Variants in SPAG16 observed in about 807,000 individuals in gnomAD.
SPAG16 encodes sperm-associated antigen 16 protein.
In SPAG16, 86 loss-of-function variants were observed where a neutral mutation model predicts 80.4. The observed-to-expected ratio is 1.07, with a 90% CI of 0.90 to 1.28. The LOEUF (loss-of-function observed/expected upper bound fraction) is 1.28, where lower values mean the gene tolerates loss of function less well. Ranked by LOEUF, SPAG16 falls within the 50% of genes most tolerant of loss-of-function variation. The probability of loss-of-function intolerance (pLI) is 0.00; values close to 1 mark genes in which losing one functional copy is unlikely to be tolerated. For missense variants in SPAG16, 870 were observed against 765.3 expected, an observed-to-expected ratio of 1.14 and a Z score of -1.61; for synonymous variants, 294 against 265.9, an observed-to-expected ratio of 1.11 and a Z score of -1.03.
chr2:213,876,409 G>A (rs896252514), intron 11 of SPAG16, among the ~76,000 whole-genome samples: 1 of 151,696 alleles, frequency 6.6e-6, no homozygotes, highest in Admixed American at 6.6e-5. Flanking sequence ...TTTTGTATGA[G>A]TGCACATCAA....
intron 2 of SPAG16, 113 bp downstream of exon 2, chr2:213,296,223 C>T: frequency 4.1e-6 from 3 of 731,830 alleles, no homozygotes. Context: ...TTAAGAGATA[C>T]CAGTTTTTCA....
intron 12 of SPAG16, among the ~76,000 whole-genome samples, chr2:213,942,437 G>A (rs1360553312): frequency 1.3e-5 from 2 of 152,118 alleles, no homozygotes; most frequent in Non-Finnish European, 2.9e-5. Flanking sequence ...ATTTCACTGA[G>A]CAAATAGAAG....
At chr2:213,852,323 G>A (rs539427963) in intron 10 of SPAG16, among the ~76,000 whole-genome samples, 1 of 152,266 alleles carries the variant, frequency 6.6e-6, no homozygotes, top group East Asian at 1.9e-4. Context: ...TTTCCACAGA[G>A]CAGCTACAGA....
chr2:213,684,943 C>G (rs1368628547), intron 10 of SPAG16, among the ~76,000 whole-genome samples: 3 of 152,130 alleles, frequency 2.0e-5, no homozygotes, highest in Non-Finnish European at 2.9e-5. Flanking sequence ...GGAGTGGTTT[C>G]CAGGACCATA....
chr2:213,407,768 GGCA>G (rs2068718919), intron 9 of SPAG16, among the ~76,000 whole-genome samples: 1 of 145,002 alleles, frequency 6.9e-6, no homozygotes, highest in Admixed American at 6.9e-5. Context: ...ACAGGAGAGA[GGCA>G]GAGAGAGACA....
chr2:213,371,346 C>G (rs1408093926), intron 8 of SPAG16, among the ~76,000 whole-genome samples: 1 of 134,916 alleles, frequency 7.4e-6, no homozygotes, highest in Non-Finnish European at 1.5e-5. Flanking sequence ...TGCAGTGAGC[C>G]GAGATCGCAC....
At chr2:213,794,495 G>T (rs2070900497) in intron 10 of SPAG16, among the ~76,000 whole-genome samples, 2 of 151,930 alleles carry the variant, frequency 1.3e-5, no homozygotes, top group Admixed American at 1.3e-4. Context: ...TGGGTACTTT[G>T]CTTTGACTTT....
chr2:213,884,729 GA>G (rs1369787330), intron 11 of SPAG16, among the ~76,000 whole-genome samples: 1 of 152,086 alleles, frequency 6.6e-6, no homozygotes, highest in Non-Finnish European at 1.5e-5. Context: ...GTGTTGATTT[GA>G]AAAACTGATC....
In SPAG16 at chr2:213,596,811, A is replaced by G. The variant is rs114053932; in HGVS notation, c.1070+106721A>G. ...AATGGCATTAGACCTCTGAAATTAA[A>G]CACGTTGCCTTCAGTATGAATCTGT... On this transcript the variant is annotated intron_variant, in intron 10 of 15. Coordinates refer to ENST00000331683, the MANE Select transcript of SPAG16 (RefSeq NM_024532.5). 6.5e-3 allele frequency among the ~76,000 whole-genome samples: 996 copies of G among 152,222 alleles called. 20 individuals carry two copies. The highest frequency in any genetic ancestry group is 0.023 in the African/African-American group (959 of 41,568).
chr2:213,546,178 T>A (rs1464216419), intron 10 of SPAG16, among the ~76,000 whole-genome samples: 1 of 152,126 alleles, frequency 6.6e-6, no homozygotes, highest in Admixed American at 6.5e-5. Context: ...TACTTTAATT[T>A]ACATGATTTT....
rs566211448 is a variant in SPAG16 at position 213,597,326 on chromosome 2, T to C, written c.1070+107236T>C. Among the ~76,000 whole-genome samples, 112 of 152,314 alleles carry C rather than the reference T, an allele frequency of 7.4e-4. 1 individual carries two copies. In the South Asian group the frequency reaches 0.021, roughly 28 times the overall value. The stretch of plus-strand genomic sequence containing the variant: ...CAGAACTTTCTTCTCAAGTTGCTTA[T>C]AGTCTTCCTACAGCATTGTAGAATA... On this transcript the variant is annotated intron_variant, in intron 10 of 15. Coordinates refer to ENST00000331683, the MANE Select transcript of SPAG16 (RefSeq NM_024532.5).
chr2:213,382,228 T>C (rs1384274014), intron 9 of SPAG16, among the ~76,000 whole-genome samples: 3 of 152,220 alleles, frequency 2.0e-5, no homozygotes, highest in African/African-American at 7.2e-5. Context: ...TAATTCTTCC[T>C]TTTTTAAGAT....
chr2:214,148,723 C>A (rs537489838), intron 14 of SPAG16, among the ~76,000 whole-genome samples: 123 of 151,958 alleles, frequency 8.1e-4, no homozygotes, highest in Non-Finnish European at 1.6e-3. Context: ...ATAATTTTCC[C>A]ACATTCACAG....
At chr2:214,250,837 A>G (rs1181006104) in intron 15 of SPAG16, among the ~76,000 whole-genome samples, 1 of 148,372 alleles carries the variant, frequency 6.7e-6, no homozygotes, top group African/African-American at 2.5e-5. Flanking sequence ...AACCAGAAGC[A>G]CTTTTGTTAT....
In SPAG16 at chr2:213,960,916, C is replaced by T. The variant is rs546862102; in HGVS notation, c.1400+30771C>T. On this transcript the variant is annotated intron_variant, in intron 12 of 15. Transcript: ENST00000331683. Reference sequence around the variant, plus strand: ...CACTTCTGTGATTGGAAGCAGCAATCAGTAATCAGAGCACAAATCTCTGGT... The same window carrying T: ...CACTTCTGTGATTGGAAGCAGCAATTAGTAATCAGAGCACAAATCTCTGGT... 1.2e-4 allele frequency among the ~76,000 whole-genome samples: 19 copies of T among 152,254 alleles called. No individual in the cohort carries two copies. In the South Asian group the frequency reaches 1.5e-3, roughly 12 times the overall value.
intron 12 of SPAG16, among the ~76,000 whole-genome samples, chr2:214,001,281 C>T (rs1044963631): frequency 1.3e-5 from 2 of 152,134 alleles, no homozygotes; most frequent in Non-Finnish European, 2.9e-5. Flanking sequence ...ATATATGCCT[C>T]AAAACAATTC....
At chr2:213,416,184 C>T (rs1443853901) in intron 9 of SPAG16, among the ~76,000 whole-genome samples, 1 of 152,180 alleles carries the variant, frequency 6.6e-6, no homozygotes, top group Non-Finnish European at 1.5e-5. Context: ...ACTTGACATT[C>T]TCTCAGGAGT....
chr2:214,346,083 C>T (rs1303500216), intron 15 of SPAG16, among the ~76,000 whole-genome samples: 3 of 152,084 alleles, frequency 2.0e-5, no homozygotes, highest in Admixed American at 6.5e-5. Context: ...TCATAGAGTA[C>T]GTGTGTATTC....
intron 7 of SPAG16, among the ~76,000 whole-genome samples, chr2:213,358,838 A>C (rs995960757): frequency 6.6e-6 from 1 of 151,928 alleles, no homozygotes. Context: ...GAGAAGAGGC[A>C]CTCTGGTTTT....
Sources: gnomAD v4.1 joint callset for allele counts (sites outside exome capture counted in the v4.1 genomes callset) on GRCh38, gnomAD v4.1.1 for gene constraint, MANE v1.5 for transcripts, NCBI Gene and HGNC (gene_info 2026-07-23, HGNC 2026-07-21) for gene names.